SCMH1: variants seen among roughly 807,000 people sequenced by gnomAD.
SCMH1 encodes polycomb protein SCMH1.
SCMH1 carries 37 observed loss-of-function variants against 70.8 expected under a neutral mutation model. That is an observed-to-expected ratio of 0.52 (90% CI 0.40 to 0.69). SCMH1 has a LOEUF of 0.69. Ranked by LOEUF, SCMH1 falls within the 30% of genes least tolerant of loss-of-function variation. SCMH1 has a pLI of 0.00. For synonymous variants in SCMH1, 292 were observed against 307.4 expected (o/e 0.95, Z 0.52); for missense variants, 607 against 827.3 (o/e 0.73, Z 3.27).
chr1:41,182,548 C>G (rs944691111), intron 2 of SCMH1, among the ~76,000 whole-genome samples: 1 of 152,010 alleles, frequency 6.6e-6, no homozygotes, highest in African/African-American at 2.4e-5. Context: ...GAGACCTCGT[C>G]TCTACAAAAA....
chr1:41,183,110 C>G (rs1649278002), intron 2 of SCMH1, among the ~76,000 whole-genome samples: 1 of 152,168 alleles, frequency 6.6e-6, no homozygotes, highest in African/African-American at 2.4e-5. Flanking sequence ...AATCAGAAAC[C>G]TGTAATCCCT....
At chr1:41,107,623 G>A (rs1294388736) in intron 8 of SCMH1, among the ~76,000 whole-genome samples, 1 of 152,044 alleles carries the variant, frequency 6.6e-6, no homozygotes. Context: ...GGGTTCAAGC[G>A]ATTCTCCTGC....
intron 6 of SCMH1, among the ~76,000 whole-genome samples, chr1:41,126,675 T>G (rs760022369): frequency 2.0e-5 from 3 of 152,166 alleles, no homozygotes; most frequent in East Asian, 3.8e-4. Flanking sequence ...TCTGCAACTT[T>G]CTTTTTTCAC....
At chr1:41,178,041 C>T (rs146289962) in intron 2 of SCMH1, among the ~76,000 whole-genome samples, 35,765 of 152,112 alleles carry the variant, frequency 0.24, 5,033 homozygotes, top group Non-Finnish European at 0.31. Context: ...GCTGTTCTCT[C>T]GGCAGAAACT....
chr1:41,188,361 C>T (rs370648146), intron 1 of SCMH1, among the ~76,000 whole-genome samples: 20 of 152,270 alleles, frequency 1.3e-4, no homozygotes, highest in African/African-American at 4.3e-4. Context: ...AACTCCTGAC[C>T]TCAAGAATCT....
chr1:41,178,310 C>T (rs1471005588), intron 2 of SCMH1, among the ~76,000 whole-genome samples: 4 of 152,142 alleles, frequency 2.6e-5, no homozygotes, highest in African/African-American at 9.7e-5. Flanking sequence ...ACCATCGAGG[C>T]TAGGAAGAAA....
At chr1:41,093,325 A>G (rs1664159588) in intron 8 of SCMH1, among the ~76,000 whole-genome samples, 1 of 142,896 alleles carries the variant, frequency 7.0e-6, no homozygotes, top group South Asian at 2.2e-4. Flanking sequence ...TTCAACAATG[A>G]GATCACTTGG....
chr1:41,139,571 T>C (rs1643867690), intron 6 of SCMH1, among the ~76,000 whole-genome samples: 1 of 152,180 alleles, frequency 6.6e-6, no homozygotes, highest in Admixed American at 6.5e-5. Context: ...TGCTTCTAAA[T>C]AGTGATTCAT....
chr1:41,041,214 C>T (rs1480733341), intron 12 of SCMH1: 1 of 152,020 alleles, frequency 6.6e-6, no homozygotes, highest in African/African-American at 2.4e-5. Context: ...TGCATGTTTA[C>T]ATCACTCTCA....
intron 2 of SCMH1, among the ~76,000 whole-genome samples, chr1:41,166,603 T>A (rs916345406): frequency 6.6e-6 from 1 of 151,996 alleles, no homozygotes; most frequent in Non-Finnish European, 1.5e-5. Flanking sequence ...TAGAAGTAAG[T>A]GGTATTGTAA....
chr1:41,058,378 GTTTTTTTT>G (rs548733204), intron 10 of SCMH1, among the ~76,000 whole-genome samples: 1,497 of 81,664 alleles, frequency 0.018, 51 homozygotes, highest in Middle Eastern at 0.042. Flanking sequence ...TTTCTTTCTT[GTTTTTTTT>G]TTTTTTTTTT....
At chr1:41,189,661 G>A (rs911969771) in intron 1 of SCMH1, among the ~76,000 whole-genome samples, 2 of 152,178 alleles carry the variant, frequency 1.3e-5, no homozygotes, top group South Asian at 2.1e-4. Flanking sequence ...AAAGAAGATG[G>A]AGCATATCTC....
chr1:41,067,493 A>C (rs1241693532), intron 10 of SCMH1, among the ~76,000 whole-genome samples: 1 of 150,902 alleles, frequency 6.6e-6, no homozygotes, highest in African/African-American at 2.4e-5. Flanking sequence ...AGCTATCAAG[A>C]CATGAAAATA....
At chr1:41,191,816 G>A (rs1651782529) in intron 1 of SCMH1, among the ~76,000 whole-genome samples, 1 of 152,128 alleles carries the variant, frequency 6.6e-6, no homozygotes, top group Admixed American at 6.5e-5. Flanking sequence ...ACAGGAACCA[G>A]TCCTCTTAGG....
chr1:41,172,247 G>A (rs1307421764), intron 2 of SCMH1, among the ~76,000 whole-genome samples: 2 of 147,124 alleles, frequency 1.4e-5, no homozygotes, highest in African/African-American at 5.0e-5. Context: ...ATTCAGGAAA[G>A]CTGCAGGACA....
intron 10 of SCMH1, among the ~76,000 whole-genome samples, chr1:41,065,365 A>G (rs1412831884): frequency 1.3e-5 from 2 of 152,094 alleles, no homozygotes; most frequent in African/African-American, 2.4e-5. Context: ...GCTACTCTGG[A>G]GGCTGAGGTG....
At chr1:41,114,039 C>T (rs1038715562) in intron 7 of SCMH1, among the ~76,000 whole-genome samples, 4 of 152,096 alleles carry the variant, frequency 2.6e-5, no homozygotes, top group Admixed American at 6.5e-5. Context: ...ATATATATAT[C>T]GAAATTTATT....
intron 6 of SCMH1, among the ~76,000 whole-genome samples, chr1:41,136,045 G>A (rs780728656): frequency 5.3e-5 from 8 of 151,716 alleles, no homozygotes; most frequent in Non-Finnish European, 1.2e-4. Flanking sequence ...CCAGGCTCAA[G>A]TGATCCTTCC....
At chr1:41,043,093 A>AT (rs1293818734) in intron 12 of SCMH1, 2 of 152,082 alleles carry the variant, frequency 1.3e-5, no homozygotes, top group Non-Finnish European at 2.9e-5. Flanking sequence ...ATATTAATTA[A>AT]TTTATTATTA....
Sources: allele counts gnomAD v4.1 joint callset (sites outside exome capture counted in the v4.1 genomes callset), GRCh38; gene constraint gnomAD v4.1.1; transcripts MANE v1.5; gene names NCBI Gene and HGNC (gene_info 2026-07-23, HGNC 2026-07-21).